The following PCDHGB2 variants were observed in gnomAD, a reference collection of about 807,000 sequenced individuals.
PCDHGB2 encodes the protein protocadherin gamma-B2.
Under a neutral mutation model 59.3 loss-of-function variants are expected in PCDHGB2, and 55 were observed. That is an observed-to-expected ratio of 0.93 (90% confidence interval 0.75 to 1.16). The LOEUF (loss-of-function observed/expected upper bound fraction) is 1.16, where lower values mean the gene tolerates loss of function less well. Ranked by LOEUF, PCDHGB2 falls within the 50% of genes most tolerant of loss-of-function variation. The pLI is 0.00. For missense variants in PCDHGB2, 1,228 were observed against 1,198.5 expected, an observed-to-expected ratio of 1.02 and a Z score of -0.36; for synonymous variants, 516 against 512.0, an observed-to-expected ratio of 1.01 and a Z score of -0.11.
intron 1 of PCDHGB2, among the ~76,000 whole-genome samples, chr5:141,379,889 C>CTTTTTTTTTTTTTTGTTTTTTTTT (rs1775951854): frequency 2.0e-5 from 1 of 50,832 alleles, no homozygotes; most frequent in Non-Finnish European, 3.9e-5. Flanking sequence ...GTGAAAGCCT[C>CTTTTTTTTTTTTTTGTTTTTTTTT]TTTTTTTTTT....
At chr5:141,388,742 G>C (rs1340234849) in intron 1 of PCDHGB2, 1 of 1,613,886 alleles carries the variant, frequency 6.2e-7, no homozygotes, top group Non-Finnish European at 8.5e-7. Context: ...AAGCTAGCCA[G>C]ATCACCCAAT....
At chr5:141,375,779 G>C (rs749559180) in intron 1 of PCDHGB2, 1 of 1,614,176 alleles carries the variant, frequency 6.2e-7, no homozygotes, top group South Asian at 1.1e-5. Flanking sequence ...CCTGTACCCC[G>C]CCCTCCCCAC....
At chr5:141,409,972 G>A in intron 1 of PCDHGB2, 1 of 1,613,374 alleles carries the variant, frequency 6.2e-7, no homozygotes, top group South Asian at 1.1e-5. Context: ...TAGTGACTAA[G>A]GTGGTAGCGG....
rs558951022 is a variant in PCDHGB2 at position 141,501,554 on chromosome 5, C to T, written c.2481-3839C>T. On this transcript the variant is annotated intron_variant, in intron 2 of 3. Coordinates refer to ENST00000522605, the MANE Select transcript of PCDHGB2 (RefSeq NM_018923.3). ...CGTTGTTGTGCATAAGATCATAGGC[C>T]CTGGAATCATATTAGGCTGGCTTTC... is the stretch of plus-strand genomic sequence containing the variant. Among the ~76,000 whole-genome samples the T allele has an allele frequency of 3.3e-5, 5 of 152,044 alleles. No homozygotes were observed. In the East Asian group the frequency reaches 7.8e-4, roughly 24 times the overall value.
chr5:141,418,740 T>C, intron 1 of PCDHGB2: 1 of 1,613,972 alleles, frequency 6.2e-7, no homozygotes, highest in Admixed American at 1.7e-5. Context: ...GTGTTCTCTC[T>C]GGATTACACT....
chr5:141,388,619 C>A (rs369637121), intron 1 of PCDHGB2: 1 of 1,613,852 alleles, frequency 6.2e-7, no homozygotes, highest in Admixed American at 1.7e-5. Flanking sequence ...TCAGTCAAGA[C>A]GTATACAGGG....
At chr5:141,449,380 G>C (rs1011160817) in intron 1 of PCDHGB2, among the ~76,000 whole-genome samples, 3 of 151,950 alleles carry the variant, frequency 2.0e-5, no homozygotes, top group African/African-American at 7.3e-5. Flanking sequence ...GCTGAGGCAG[G>C]TGGATTACTT....
rs1340147578 is a variant in PCDHGB2, at chr5:141,487,141, T to C, written c.2422-7666T>C. On this transcript the variant is annotated intron_variant, in intron 1 of 3. Transcript: ENST00000522605. This position sits in a 1 kb window ranked among gnomAD's most constrained non-coding sequence, Gnocchi z 5.0. ...AGGATAGTGGTAGTCCACCACTCTCTACCTCTGTTACTCTCTTAGTGTCCT... is the reference window on the plus strand; with the variant it reads ...AGGATAGTGGTAGTCCACCACTCTCCACCTCTGTTACTCTCTTAGTGTCCT... The C allele has an allele frequency of 1.2e-6, 2 of 1,613,882 alleles. No individual in the cohort carries two copies. Among genetic ancestry groups the C allele is most frequent in the African/African-American group, 2.7e-5 (2 of 74,934 alleles).
rs1407406869 is a variant in PCDHGB2 at position 141,361,575 on chromosome 5, C to T, written c.1440C>T (p.Asp480=). Residue 480 remains aspartate (D), a synonymous_variant, in exon 1 of 4, where the codon GAC becomes GAT. Transcript: ENST00000522605. ...CTCAAATCAGTGCCTCTGACCCTGA[C>T]TTGGGCCCCAGTGGCCAAGTTTCCT... ...SIAQISASDP[D]LGPSGQVSYS... 3 of 1,614,062 alleles carry T rather than the reference C, an allele frequency of 1.9e-6. No individual in the cohort carries two copies. Among genetic ancestry groups the T allele is most frequent in the Non-Finnish European group, 8.5e-7 (1 of 1,179,904 alleles).
intron 1 of PCDHGB2, chr5:141,372,377 C>A (rs1006605507): frequency 6.2e-7 from 1 of 1,613,996 alleles, no homozygotes; most frequent in Non-Finnish European, 8.5e-7. Flanking sequence ...TCATGCTGCA[C>A]CTAATCTTCG....
At chr5:141,501,328 CA>C (rs1446948770) in intron 2 of PCDHGB2, among the ~76,000 whole-genome samples, 83 of 151,828 alleles carry the variant, frequency 5.5e-4, no homozygotes, top group Admixed American at 2.2e-3. Context: ...CACACACACA[CA>C]CACACCCCAA....
intron 1 of PCDHGB2, chr5:141,408,468 G>T: frequency 6.2e-7 from 1 of 1,614,070 alleles, no homozygotes; most frequent in Non-Finnish European, 8.5e-7. Context: ...GTGAAGAACC[G>T]AATAGACCGT....
chr5:141,404,330 T>C, intron 1 of PCDHGB2: 1 of 1,613,934 alleles, frequency 6.2e-7, no homozygotes, highest in African/African-American at 1.3e-5. Context: ...CTACTCAGTC[T>C]ACCTCCCGGA....
chr5:141,405,840 A>ATATCAGTGT (rs2094725824), intron 1 of PCDHGB2, among the ~76,000 whole-genome samples: 1 of 152,188 alleles, frequency 6.6e-6, no homozygotes, highest in Non-Finnish European at 1.5e-5. Context: ...GTATAAGTTG[A>ATATCAGTGT]TATCAGTGTG....
At position 141,422,923 on chromosome 5, in the gene PCDHGB2, C is replaced by T. The variant is rs188787674; in HGVS notation, c.2421+60367C>T. The T allele has an allele frequency of 1.6e-5, 26 of 1,614,252 alleles. No homozygotes were observed. In the East Asian group the frequency reaches 2.5e-4, roughly 15 times the overall value. On this transcript the variant is annotated intron_variant, in intron 1 of 3. Coordinates refer to ENST00000522605, the MANE Select transcript of PCDHGB2 (RefSeq NM_018923.3). ...CGACAATGCGCCCGAGATCCTGTAC[C>T]CTGCCCTCCCCACAGACGGCTCCAC...
chr5:141,420,005 C>T, intron 1 of PCDHGB2: 2 of 1,614,056 alleles, frequency 1.2e-6, no homozygotes, highest in Non-Finnish European at 1.7e-6. Context: ...TCTACGCCTG[C>T]GACAGTCTTT....
intron 1 of PCDHGB2, among the ~76,000 whole-genome samples, chr5:141,380,691 G>C (rs1198645485): frequency 6.6e-6 from 1 of 152,212 alleles, no homozygotes; most frequent in Non-Finnish European, 1.5e-5. Flanking sequence ...TTTGTGTTCG[G>C]AGTAGTCTAT....
intron 1 of PCDHGB2, chr5:141,388,988 A>G (rs756635794): frequency 6.2e-7 from 1 of 1,614,076 alleles, no homozygotes; most frequent in Non-Finnish European, 8.5e-7. Flanking sequence ...CTTTGCTCAA[A>G]GTCCGTGACA....
intron 1 of PCDHGB2, chr5:141,408,014 C>G (rs2095025916): frequency 5.0e-6 from 5 of 1,001,096 alleles, no homozygotes; most frequent in Non-Finnish European, 7.0e-6. Flanking sequence ...CCTGCGCAGC[C>G]AACAACAGAA....
Sources: allele counts gnomAD v4.1 joint callset (sites outside exome capture counted in the v4.1 genomes callset), GRCh38; gene constraint gnomAD v4.1.1; non-coding constraint Gnocchi (gnomAD v3.1); transcripts MANE v1.5; gene names NCBI Gene and HGNC (gene_info 2026-07-23, HGNC 2026-07-21).